PLPPR1: variants seen among roughly 807,000 people sequenced by gnomAD.
PLPPR1 encodes the protein phospholipid phosphatase related 1, also known as phospholipid phosphatase-related protein type 1.
A neutral mutation model predicts 33.1 loss-of-function variants in PLPPR1; 10 were observed. The observed-to-expected ratio is 0.30, with a 90% CI of 0.19 to 0.51. The LOEUF is 0.51. Ranked by LOEUF, PLPPR1 falls within the 20% of genes least tolerant of loss-of-function variation. The pLI is 0.97. For synonymous variants in PLPPR1, 151 were observed against 151.0 expected, an observed-to-expected ratio of 1.00 and a Z score of 0.00; for missense variants, 304 against 408.1, an observed-to-expected ratio of 0.74 and a Z score of 2.20.
chr9:101,041,090 T>C (rs1183172065), intron 1 of PLPPR1, among the ~76,000 whole-genome samples: 1 of 152,258 alleles, frequency 6.6e-6, no homozygotes, highest in African/African-American at 2.4e-5. Context: ...AGGGGCTTGG[T>C]CCCATAGGAC....
At chr9:101,131,915 A>G (rs969396413) in intron 1 of PLPPR1, among the ~76,000 whole-genome samples, 10 of 152,192 alleles carry the variant, frequency 6.6e-5, no homozygotes, top group Non-Finnish European at 1.3e-4. Flanking sequence ...TGAAATGGTG[A>G]TAATGATAGT....
intron 1 of PLPPR1, among the ~76,000 whole-genome samples, chr9:101,068,687 G>A (rs960841554): frequency 3.3e-5 from 5 of 151,894 alleles, no homozygotes. Flanking sequence ...AGAGACAAAT[G>A]TGCTCAAGAC....
intron 1 of PLPPR1, among the ~76,000 whole-genome samples, chr9:101,170,705 G>T (rs969731325): frequency 1.3e-5 from 2 of 152,222 alleles, no homozygotes; most frequent in Non-Finnish European, 2.9e-5. Flanking sequence ...GGAGGCCAAA[G>T]TGGGAGGATC....
chr9:101,065,752 G>A (rs912549121), intron 1 of PLPPR1, among the ~76,000 whole-genome samples: 2 of 151,968 alleles, frequency 1.3e-5, no homozygotes, highest in Non-Finnish European at 2.9e-5. Context: ...TTTTTACTAT[G>A]AGACTTTATT....
chr9:101,084,568 A>G (rs982867174), intron 1 of PLPPR1, among the ~76,000 whole-genome samples: 11 of 152,212 alleles, frequency 7.2e-5, no homozygotes, highest in African/African-American at 2.7e-4. Flanking sequence ...AGGAAAGAAA[A>G]AAGCGGAAAA....
intron 2 of PLPPR1, among the ~76,000 whole-genome samples, chr9:101,246,888 C>G (rs1398968343): frequency 6.6e-6 from 1 of 152,016 alleles, no homozygotes; most frequent in African/African-American, 2.4e-5. Context: ...TGACTCAGCT[C>G]TCTTCTATGA....
At chr9:101,184,223 T>G (rs1826166668) in intron 1 of PLPPR1, among the ~76,000 whole-genome samples, 3 of 151,854 alleles carry the variant, frequency 2.0e-5, no homozygotes, top group Admixed American at 1.3e-4. Context: ...AAAATTAAGT[T>G]GCCTAAAACT....
chr9:101,068,282 G>T (rs951052830), intron 1 of PLPPR1, among the ~76,000 whole-genome samples: 4 of 152,008 alleles, frequency 2.6e-5, no homozygotes, highest in Non-Finnish European at 5.9e-5. Flanking sequence ...AGAGAAGAAA[G>T]ATAACACTCC....
At chr9:101,223,728 A>G (rs1336495425) in intron 2 of PLPPR1, among the ~76,000 whole-genome samples, 1 of 152,064 alleles carries the variant, frequency 6.6e-6, no homozygotes, top group Non-Finnish European at 1.5e-5. Context: ...TTCTGCCATG[A>G]TTTTAAGTTT....
At chr9:101,030,279 T>G (rs915914819) in intron 1 of PLPPR1, among the ~76,000 whole-genome samples, 2 of 151,394 alleles carry the variant, frequency 1.3e-5, no homozygotes, top group African/African-American at 4.9e-5. Context: ...GGACAAATAA[T>G]GGTCACTTAG....
At chr9:101,056,033 C>G (rs1489660263) in intron 1 of PLPPR1, among the ~76,000 whole-genome samples, 1 of 152,190 alleles carries the variant, frequency 6.6e-6, no homozygotes, top group Non-Finnish European at 1.5e-5. Context: ...TTTATTGAGT[C>G]TTCTTAAGTG....
intron 1 of PLPPR1, among the ~76,000 whole-genome samples, chr9:101,090,481 T>C (rs1830727947): frequency 6.6e-6 from 1 of 152,182 alleles, no homozygotes; most frequent in Non-Finnish European, 1.5e-5. Flanking sequence ...CTATTGAAAT[T>C]GTGCATTTTC....
chr9:101,172,779 C>G (rs561424642), intron 1 of PLPPR1, among the ~76,000 whole-genome samples: 54 of 152,236 alleles, frequency 3.5e-4, no homozygotes, highest in African/African-American at 1.3e-3. Context: ...TCGCTGGCCA[C>G]TTGCCTGGAT....
intron 1 of PLPPR1, among the ~76,000 whole-genome samples, chr9:101,078,486 A>G (rs2118505094): frequency 6.6e-6 from 1 of 152,192 alleles, no homozygotes; most frequent in East Asian, 1.9e-4. Context: ...GTGTGCTTCT[A>G]GATTTTTTTC....
chr9:101,161,669 A>G (rs1446448526), intron 1 of PLPPR1, among the ~76,000 whole-genome samples: 1 of 152,100 alleles, frequency 6.6e-6, no homozygotes, highest in Non-Finnish European at 1.5e-5. Context: ...TTCAAAATAT[A>G]ATCTTTTTAT....
intron 2 of PLPPR1, among the ~76,000 whole-genome samples, chr9:101,219,653 CTCA>C (rs1479124714): frequency 6.6e-6 from 1 of 152,150 alleles, no homozygotes; most frequent in Admixed American, 6.5e-5. Context: ...TGTGCTGCTC[CTCA>C]TAATACCTAA....
At chr9:101,113,569 A>T (rs1831083018) in intron 1 of PLPPR1, among the ~76,000 whole-genome samples, 1 of 152,142 alleles carries the variant, frequency 6.6e-6, no homozygotes, top group African/African-American at 2.4e-5. Flanking sequence ...ACAACTTCTT[A>T]AATAGTCTAG....
chr9:101,036,587 A>G (rs1477060008), intron 1 of PLPPR1, among the ~76,000 whole-genome samples: 1 of 151,758 alleles, frequency 6.6e-6, no homozygotes, highest in Non-Finnish European at 1.5e-5. Flanking sequence ...TATTCCATTT[A>G]TAAACTTGGC....
At chr9:101,282,938 C>T (rs1447151661) in intron 3 of PLPPR1, among the ~76,000 whole-genome samples, 2 of 152,086 alleles carry the variant, frequency 1.3e-5, no homozygotes, top group African/African-American at 4.8e-5. Context: ...AGAATTAATA[C>T]TGTTAAAATG....
Sources: allele counts gnomAD v4.1 joint callset (sites outside exome capture counted in the v4.1 genomes callset), GRCh38; gene constraint gnomAD v4.1.1; transcripts MANE v1.5; gene names NCBI Gene and HGNC (gene_info 2026-07-23, HGNC 2026-07-21).